Variants in CAPN14 observed in about 807,000 individuals in gnomAD.
CAPN14 encodes the protein calpain-14.
A neutral mutation model predicts 101.3 loss-of-function variants in CAPN14; 94 were observed. That is an observed-to-expected ratio of 0.93 (90% CI 0.79 to 1.10). The LOEUF is 1.10. Ranked by LOEUF, CAPN14 falls within the 50% of genes least tolerant of loss-of-function variation. The pLI, the probability that CAPN14 is intolerant of heterozygous loss-of-function variation, is 0.00. For synonymous variants in CAPN14, 338 were observed against 317.9 expected (o/e 1.06, Z -0.67); for missense variants, 837 against 828.4 (o/e 1.01, Z -0.13).
At chr2:31,177,198 T>G (rs952719513) in intron 19 of CAPN14, 56 bp from the exon 20 acceptor site, 2 of 1,246,324 alleles carry the variant, frequency 1.6e-6, no homozygotes, top group African/African-American at 3.0e-5. Flanking sequence ...CCAGCTCCCC[T>G]CCTGCTCAAG....
At position 31,193,256 on chromosome 2, in the gene CAPN14, A is replaced by G. The variant is rs1285032241; in HGVS notation, c.989T>C (p.Leu330Pro). The G allele has an allele frequency of 6.4e-7, 1 of 1,551,716 alleles. No individual in the cohort carries two copies. ...GCCTGGGGTCAGTTTACAGATAACCAGGAGCACGAAATGTGTTTTAAAGTC... is the reference window on the plus strand; with the variant it reads ...GCCTGGGGTCAGTTTACAGATAACCGGGAGCACGAAATGTGTTTTAAAGTC... ...LQDFKTHFVL[L>P]VICKLTPGLL... The change falls in exon 10 of 22, where the codon CTG becomes CCG. Residue 330 changes from leucine (L) to proline (P), a missense_variant. Coordinates refer to ENST00000403897, the MANE Select transcript of CAPN14 (RefSeq NM_001145122.2).
At position 31,195,312 on chromosome 2, in the gene CAPN14, C is replaced by T. The variant is rs557342403; in HGVS notation, c.876-829G>A. Among the ~76,000 whole-genome samples, 12 of 152,298 alleles carry T rather than the reference C, an allele frequency of 7.9e-5. No individual in the cohort carries two copies. In the East Asian group the frequency reaches 1.7e-3, roughly 22 times the overall value. ...TGCTGGGAATCTCAGGCATTCCTAC[C>T]GGACAGAGTTAAAAGACTTTATTTA... On this transcript the variant is annotated intron_variant, in intron 8 of 21. Transcript: ENST00000403897.
In CAPN14 at chr2:31,189,484, G is replaced by A. The variant is rs1470285676; in HGVS notation, c.1288-6C>T. 2.6e-6 allele frequency: 4 copies of A among 1,549,546 alleles called. No individual in the cohort carries two copies. Among genetic ancestry groups the A allele is most frequent in the Non-Finnish European group, 3.5e-6 (4 of 1,145,714 alleles). On this transcript the variant is annotated splice_region_variant and splice_polypyrimidine_tract_variant and intron_variant, in intron 12 of 21. Transcript: ENST00000403897. ...CTCCTCTGGTCATCATGGTACTGTG[G>A]GTAGAGGACAGAAGAACAGCAAGGG...
chr2:31,224,104 A>T (rs370251127), intron 2 of CAPN14, among the ~76,000 whole-genome samples: 1 of 152,146 alleles, frequency 6.6e-6, no homozygotes, highest in East Asian at 1.9e-4. Flanking sequence ...CCTGTAAAGG[A>T]AAAGCCTTTT....
At position 31,199,508 on chromosome 2, in the gene CAPN14, C is replaced by T. The variant is rs746827507; in HGVS notation, c.751G>A (p.Val251Met). Residue 251 changes from valine to methionine, a missense_variant, in exon 7 of 22, where the codon GTG becomes ATG. By Grantham distance (21) the Val-to-Met change is conservative (BLOSUM62 1). Coordinates refer to ENST00000403897, the MANE Select transcript of CAPN14 (RefSeq NM_001145122.2). ...SGEKILENGL[V>M]EGHAYTLTGI... ...GTGAGAGTATAGGCATGGCCTTCCA[C>T]CAGCCCATTCTCCAGAATCTTCTCC... 1.3e-6 allele frequency: 2 copies of T among 1,551,574 alleles called. No individual in the cohort carries two copies. The highest frequency in any genetic ancestry group is 1.2e-5 in the South Asian group (1 of 84,042).
chr2:31,191,468 G>T, intron 11 of CAPN14, 61 bp from the exon 12 acceptor site: 1 of 1,484,838 alleles, frequency 6.7e-7, no homozygotes, highest in Non-Finnish European at 9.0e-7. Flanking sequence ...ATCTCATTAA[G>T]CAGGGAATCT....
At position 31,173,252 on chromosome 2, in the gene CAPN14, T is replaced by G. The variant is rs1680133870; in HGVS notation, c.*1429A>C. The G allele has an allele frequency of 6.6e-6, 1 of 152,216 alleles. No homozygotes were observed. The highest frequency in any genetic ancestry group is 1.5e-5 in the Non-Finnish European group (1 of 68,024). The allele number at this position is 152,216 out of a possible 1,614,324, so 9.4% of individuals were successfully genotyped here. A position where few individuals can be genotyped will look rare whatever the true frequency, so the allele number is the denominator to read the frequency against. On this transcript the variant is annotated 3_prime_UTR_variant, in exon 22 of 22. Transcript: ENST00000403897. The stretch of plus-strand genomic sequence containing the variant: ...CCATTTTACATTTTATCATTTGGAA[T>G]AAATGAAGGGTTTTTTTTCCTAAAT...
chr2:31,201,641 C>T (rs907741913), intron 5 of CAPN14, among the ~76,000 whole-genome samples: 5 of 152,198 alleles, frequency 3.3e-5, no homozygotes, highest in South Asian at 2.1e-4. Context: ...AGCTCCTATC[C>T]CCCTTAATTC....
At position 31,177,616 on chromosome 2, in the gene CAPN14, A is replaced by G. The variant is rs1037056188; in HGVS notation, c.1855+130T>C. 13 of 679,854 alleles carry G rather than the reference A, an allele frequency of 1.9e-5. No homozygotes were observed. In the Admixed American group the frequency reaches 3.0e-4, roughly 16 times the overall value. The allele number at this position is 679,854 out of a possible 1,614,324, so 42.1% of individuals were successfully genotyped here. On this transcript the variant is annotated intron_variant, in intron 19 of 21. Transcript: ENST00000403897. ...CATAAAAAATGTTGGAGTTGACTGC[A>G]GATCTACGTCTTTGAGAGTAACACT...
chr2:31,194,319 C>A, intron 9 of CAPN14, 90 bp downstream of exon 9: 1 of 922,038 alleles, frequency 1.1e-6, no homozygotes, highest in South Asian at 1.4e-5. Context: ...ACATGAAGTT[C>A]CTGGCACCCA....
chr2:31,197,620 G>A (rs943977603), intron 7 of CAPN14, among the ~76,000 whole-genome samples: 9 of 152,190 alleles, frequency 5.9e-5, no homozygotes, highest in Non-Finnish European at 1.0e-4. Context: ...AAGAGGATAT[G>A]TACACTTAGA....
chr2:31,192,231 C>T, intron 10 of CAPN14, 133 bp from the exon 11 acceptor site: 18 of 1,059,574 alleles, frequency 1.7e-5, no homozygotes, highest in Middle Eastern at 2.2e-4. Flanking sequence ...GGGACAGAGT[C>T]GGGGTCCCTT....
chr2:31,231,842 G>A (rs1040979128), intron 1 of CAPN14, among the ~76,000 whole-genome samples: 5 of 152,188 alleles, frequency 3.3e-5, no homozygotes, highest in African/African-American at 4.8e-5. Context: ...CGCAAGCCTT[G>A]CTCCACTAGG....
At chr2:31,224,927 A>C (rs1288350693) in intron 2 of CAPN14, among the ~76,000 whole-genome samples, 7 of 152,084 alleles carry the variant, frequency 4.6e-5, no homozygotes, top group Admixed American at 4.6e-4. Context: ...AAGTATTAAA[A>C]ATATGTCATT....
intron 10 of CAPN14, 44 bp from the exon 11 acceptor site, chr2:31,192,142 A>G (rs770904630): frequency 1.3e-6 from 2 of 1,496,074 alleles, no homozygotes; most frequent in Non-Finnish European, 1.8e-6. Flanking sequence ...CCGGATCCCC[A>G]TGCATCCTGC....
At chr2:31,179,475 G>T (rs1379876774) in intron 17 of CAPN14, among the ~76,000 whole-genome samples, 1 of 152,156 alleles carries the variant, frequency 6.6e-6, no homozygotes, top group East Asian at 1.9e-4. Context: ...TATCATTGAG[G>T]GACATTTGGA....
chr2:31,196,514 T>C (rs1040917136), intron 8 of CAPN14, among the ~76,000 whole-genome samples: 1 of 152,234 alleles, frequency 6.6e-6, no homozygotes, highest in African/African-American at 2.4e-5. Flanking sequence ...TAAGCCTTCA[T>C]TTTATCAATA....
At chr2:31,192,221 G>A in intron 10 of CAPN14, 123 bp from the exon 11 acceptor site, 1 of 1,137,572 alleles carries the variant, frequency 8.8e-7, no homozygotes, top group Non-Finnish European at 1.2e-6. Flanking sequence ...GAGGCCCACT[G>A]GGACAGAGTC....
At chr2:31,189,182 G>T (rs376165537) in intron 13 of CAPN14, 91 bp downstream of exon 13, 30 of 1,133,362 alleles carry the variant, frequency 2.6e-5, no homozygotes, top group South Asian at 1.6e-4. Flanking sequence ...CAGCAGCAGA[G>T]ATCCTGGTTT....
Sources: gnomAD v4.1 joint callset for allele counts (sites outside exome capture counted in the v4.1 genomes callset) on GRCh38, gnomAD v4.1.1 for gene constraint, MANE v1.5 for transcripts, NCBI Gene and HGNC (gene_info 2026-07-23, HGNC 2026-07-21) for gene names.